The following SBK1 variants were observed in gnomAD, a reference collection of about 807,000 sequenced individuals.
SBK1 encodes serine/threonine-protein kinase SBK1.
SBK1 carries 11 observed loss-of-function variants against 24.4 expected under a neutral mutation model. The observed-to-expected ratio is 0.45, with a 90% CI of 0.28 to 0.75. The LOEUF is 0.75. Ranked by LOEUF, SBK1 falls within the 30% of genes least tolerant of loss-of-function variation. SBK1 has a pLI of 0.12. For missense variants in SBK1, 467 were observed against 620.5 expected (o/e 0.75, Z 2.63); for synonymous variants, 308 against 284.4 (o/e 1.08, Z -0.83).
At position 28,321,623 on chromosome 16, in the gene SBK1, C is replaced by G. The variant is rs987126777; in HGVS notation, c.*702C>G. ...CCGAGAAGCTAGTGACTCCTGCACACCCCCATTGCACAAATGAAATCACAG... is the reference window on the plus strand; with the variant it reads ...CCGAGAAGCTAGTGACTCCTGCACAGCCCCATTGCACAAATGAAATCACAG... On this transcript the variant is annotated 3_prime_UTR_variant, in exon 4 of 4. Coordinates refer to ENST00000341901, the MANE Select transcript of SBK1 (RefSeq NM_001024401.3). The G allele has an allele frequency of 6.5e-6, 1 of 152,866 alleles. No homozygotes were observed. Among genetic ancestry groups the G allele is most frequent in the Non-Finnish European group, 1.5e-5 (1 of 68,128 alleles). 9.5% of individuals were successfully genotyped at this position (152,866 alleles called of 1,614,324 possible).
At chr16:28,300,088 C>T (rs888524412) in intron 1 of SBK1, among the ~76,000 whole-genome samples, 1 of 152,248 alleles carries the variant, frequency 6.6e-6, no homozygotes, top group Non-Finnish European at 1.5e-5. Flanking sequence ...ACATCTCCTG[C>T]TCATCTTTGT....
At chr16:28,308,529 C>A (rs963402484) in intron 1 of SBK1, among the ~76,000 whole-genome samples, 14 of 119,014 alleles carry the variant, frequency 1.2e-4, no homozygotes, top group African/African-American at 1.6e-4. Flanking sequence ...CTTAAGCGAT[C>A]CTTTCACCTC....
chr16:28,283,464 C>A (rs757899376), intron 1 of SBK1, among the ~76,000 whole-genome samples: 1 of 152,146 alleles, frequency 6.6e-6, no homozygotes. Context: ...TTCCTGCTTG[C>A]GGCAACTCCA....
chr16:28,302,699 C>G (rs1237950862), intron 1 of SBK1, among the ~76,000 whole-genome samples: 2 of 152,204 alleles, frequency 1.3e-5, no homozygotes, highest in Non-Finnish European at 2.9e-5. Flanking sequence ...TACGCTACCC[C>G]TTTTCACCCA....
chr16:28,303,901 G>T (rs1477760521), intron 1 of SBK1, among the ~76,000 whole-genome samples: 1 of 152,148 alleles, frequency 6.6e-6, no homozygotes, highest in Non-Finnish European at 1.5e-5. Context: ...CAGAGAGGGT[G>T]AGGGAGCTAG....
intron 1 of SBK1, among the ~76,000 whole-genome samples, chr16:28,268,423 GTT>G: frequency 7.1e-6 from 1 of 139,908 alleles, no homozygotes; most frequent in South Asian, 2.3e-4. Context: ...TTAAAAATGG[GTT>G]TTTTTTTTTT....
chr16:28,317,693 C>A lies in SBK1; in HGVS notation c.226+76C>A, dbSNP rs985144160. The stretch of plus-strand genomic sequence containing the variant: ...GGGAGGTCAGGGTTGGGGGACATGA[C>A]CTTGCAGCTGGGCCGGGGCTCTCTG... On this transcript the variant is annotated intron_variant, in intron 2 of 3. Transcript: ENST00000341901. The surrounding 1 kb of genome is among the most constrained non-coding windows in gnomAD (Gnocchi z 4.2). The A allele has an allele frequency of 1.7e-5, 17 of 1,027,956 alleles. No individual in the cohort carries two copies. Among genetic ancestry groups the A allele is most frequent in the Admixed American group, 5.8e-5 (3 of 51,926 alleles). 63.7% of individuals were successfully genotyped at this position (1,027,956 alleles called of 1,614,324 possible).
At chr16:28,265,794 T>C (rs935364319) in intron 1 of SBK1, among the ~76,000 whole-genome samples, 2 of 151,436 alleles carry the variant, frequency 1.3e-5, no homozygotes, top group Admixed American at 6.6e-5. Context: ...GCCAACATGA[T>C]GAAACCCTAT....
chr16:28,280,144 T>TATATATATATATATATATATAC, intron 1 of SBK1, among the ~76,000 whole-genome samples: 1 of 94,950 alleles, frequency 1.1e-5, no homozygotes, highest in African/African-American at 3.7e-5. Flanking sequence ...TATATATATA[T>TATATATATATATATATATATAC]ATATATGTGT....
At chr16:28,303,507 CTTTTTT>C (rs143613970) in intron 1 of SBK1, among the ~76,000 whole-genome samples, 30 of 58,118 alleles carry the variant, frequency 5.2e-4, no homozygotes, top group African/African-American at 2.1e-3. Flanking sequence ...CTTTTCTTTT[CTTTTTT>C]TTTTTTTTTT....
intron 1 of SBK1, among the ~76,000 whole-genome samples, chr16:28,276,876 G>A (rs1049169468): frequency 6.6e-6 from 1 of 152,088 alleles, no homozygotes; most frequent in East Asian, 1.9e-4. Context: ...GTGTTAGCCA[G>A]GATGGTCTTG....
At chr16:28,298,392 G>A (rs1477913118) in intron 1 of SBK1, among the ~76,000 whole-genome samples, 2 of 152,192 alleles carry the variant, frequency 1.3e-5, no homozygotes, top group Admixed American at 6.5e-5. Context: ...TAACCCCAGA[G>A]TCAGGATTTG....
intron 1 of SBK1, among the ~76,000 whole-genome samples, chr16:28,316,236 CG>C (rs2044794674): frequency 6.6e-6 from 1 of 152,120 alleles, no homozygotes; most frequent in Admixed American, 6.5e-5. Flanking sequence ...CCTGAGACCA[CG>C]TGGCCAAGGT....
intron 1 of SBK1, among the ~76,000 whole-genome samples, chr16:28,294,883 G>A (rs1382295316): frequency 2.0e-5 from 3 of 152,264 alleles, no homozygotes; most frequent in Non-Finnish European, 4.4e-5. Flanking sequence ...AGCACAGGCT[G>A]TGGGGGAATC....
At chr16:28,310,655 G>A (rs1239738812) in intron 1 of SBK1, among the ~76,000 whole-genome samples, 4 of 152,202 alleles carry the variant, frequency 2.6e-5, no homozygotes, top group Non-Finnish European at 5.9e-5. Context: ...ACCAGCCAGG[G>A]CAGCATAGTG....
intron 1 of SBK1, among the ~76,000 whole-genome samples, chr16:28,304,381 C>T (rs775889398): frequency 1.3e-5 from 2 of 152,036 alleles, no homozygotes; most frequent in African/African-American, 4.8e-5. Flanking sequence ...CCTGGCGCTG[C>T]GAACCAGAGA....
chr16:28,283,182 C>T (rs1051057253), intron 1 of SBK1, among the ~76,000 whole-genome samples: 5 of 152,050 alleles, frequency 3.3e-5, no homozygotes, highest in East Asian at 3.9e-4. Context: ...CCACCCACCT[C>T]GGCCTCCCAA....
At position 28,311,708 on chromosome 16, in the gene SBK1, AAAAGAATT is replaced by A. The variant is rs577665883; in HGVS notation, c.-7-5672_-7-5665del. On this transcript the variant is annotated intron_variant, in intron 1 of 3. Coordinates refer to ENST00000341901, the MANE Select transcript of SBK1 (RefSeq NM_001024401.3). ...CAAGATCCTATTTCTAAAAAAAAAA[AAAAGAATT>A]AAAGTAAATAAGTGCATTAAATAAA... Among the ~76,000 whole-genome samples the A allele has an allele frequency of 3.6e-3, 546 of 152,240 alleles. 2 individuals are homozygous for A. Among genetic ancestry groups the A allele is most frequent in the Non-Finnish European group, 5.4e-3 (367 of 67,996 alleles).
chr16:28,283,338 A>C (rs180750720), intron 1 of SBK1, among the ~76,000 whole-genome samples: 1 of 152,236 alleles, frequency 6.6e-6, no homozygotes, highest in East Asian at 1.9e-4. Context: ...ATGTAACTGA[A>C]AAGTTCGGAG....
Sources: allele counts gnomAD v4.1 joint callset (sites outside exome capture counted in the v4.1 genomes callset), GRCh38; gene constraint gnomAD v4.1.1; non-coding constraint Gnocchi (gnomAD v3.1); transcripts MANE v1.5; gene names NCBI Gene and HGNC (gene_info 2026-07-23, HGNC 2026-07-21).